The following SIDT1 variants were observed in gnomAD, a reference collection of about 807,000 sequenced individuals.
SIDT1 encodes the protein SID1 transmembrane family, member 1.
In SIDT1, 101 loss-of-function variants were observed where a neutral mutation model predicts 107.5. The ratio of observed to expected loss-of-function variants is 0.94; its 90% CI spans 0.80 to 1.11. The LOEUF (loss-of-function observed/expected upper bound fraction) is 1.11, where lower values mean the gene tolerates loss of function less well. SIDT1 is among the 50% of genes least tolerant of loss of function. The probability of loss-of-function intolerance (pLI) is 0.00; values close to 1 mark genes in which losing one functional copy is unlikely to be tolerated. For missense variants in SIDT1, 1,076 were observed against 1,058.2 expected (o/e 1.02, Z -0.23); for synonymous variants, 395 against 398.2 (o/e 0.99, Z 0.10).
chr3:113,568,438 C>CA (rs1190452856), intron 3 of SIDT1, among the ~76,000 whole-genome samples: 1 of 151,444 alleles, frequency 6.6e-6, no homozygotes, highest in Non-Finnish European at 1.5e-5. Flanking sequence ...ACTAAAAATA[C>CA]AAAAAATTAG....
chr3:113,538,718 G>A (rs182035476), intron 1 of SIDT1, among the ~76,000 whole-genome samples: 1 of 152,284 alleles, frequency 6.6e-6, no homozygotes, highest in Admixed American at 6.5e-5. Flanking sequence ...AGATTTAAGA[G>A]AGAACATACC....
chr3:113,614,924 T>C, intron 19 of SIDT1: 1 of 809,258 alleles, frequency 1.2e-6, no homozygotes, highest in African/African-American at 1.7e-5. Context: ...CAAGTAAGCA[T>C]TACTTTTATA....
intron 1 of SIDT1, among the ~76,000 whole-genome samples, chr3:113,542,570 C>CT (rs34071671): frequency 6.6e-6 from 1 of 152,054 alleles, no homozygotes; most frequent in African/African-American, 2.4e-5. Flanking sequence ...CTGCTTCTTA[C>CT]TTTTTTTACT....
At position 113,595,578 on chromosome 3, in the gene SIDT1, C is replaced by CAAA. The variant is rs200311251; in HGVS notation, c.1045+2541_1045+2543dup. 5.9e-3 allele frequency among the ~76,000 whole-genome samples: 771 copies of CAAA among 130,078 alleles called. 4 individuals carry two copies. Among genetic ancestry groups the CAAA allele is most frequent in the African/African-American group, 0.02 (719 of 35,734 alleles). 85.3% of individuals were successfully genotyped at this position (130,078 alleles called of 152,430 possible). On this transcript the variant is annotated intron_variant, in intron 10 of 24. Transcript: ENST00000264852. ...TAGGTGACAGAGCAAGACCGTGTCT[C>CAAA]AAAAAAAAAAAAAGCCTCCAGACAT...
chr3:113,533,569 G>A (rs898123367), intron 1 of SIDT1, among the ~76,000 whole-genome samples: 1 of 152,222 alleles, frequency 6.6e-6, no homozygotes, highest in Non-Finnish European at 1.5e-5. Flanking sequence ...GGGTTGCGGG[G>A]TGTGGTGTGG....
chr3:113,587,028 G>T (rs1943791211), intron 9 of SIDT1, among the ~76,000 whole-genome samples: 1 of 152,184 alleles, frequency 6.6e-6, no homozygotes, highest in African/African-American at 2.4e-5. Context: ...ACAGATAGTA[G>T]ATTAGATAAG....
chr3:113,563,659 G>A (rs754047837), intron 1 of SIDT1, among the ~76,000 whole-genome samples: 55 of 152,166 alleles, frequency 3.6e-4, no homozygotes, highest in Non-Finnish European at 1.0e-4. Context: ...AAAAAGGAGA[G>A]AGAAGTACCC....
intron 1 of SIDT1, among the ~76,000 whole-genome samples, chr3:113,539,022 A>G (rs892364674): frequency 1.1e-4 from 17 of 152,044 alleles, no homozygotes; most frequent in Admixed American, 3.3e-4. Flanking sequence ...TTTATTTTTC[A>G]TTTTATGAGC....
At chr3:113,614,463 A>C (rs1421627447) in intron 19 of SIDT1, among the ~76,000 whole-genome samples, 1 of 152,204 alleles carries the variant, frequency 6.6e-6, no homozygotes, top group Non-Finnish European at 1.5e-5. Context: ...GAGTCAAAAG[A>C]AAACTTTCTA....
In SIDT1 at chr3:113,585,200, C is replaced by A. The variant is rs146563023; in HGVS notation, c.931C>A (p.Leu311Ile). The A allele has an allele frequency of 4.8e-5, 77 of 1,613,440 alleles. No individual in the cohort carries two copies. The highest frequency in any genetic ancestry group is 6.0e-5 in the Non-Finnish European group (71 of 1,179,610). ...IKESVYVKSS[L>I]FSVFIFLSFY... ...AGAATCTGTTTATGTGAAATCCAGT[C>A]TTTTCAGTGTCTTCATCTTCCTGTC... Residue 311 changes from leucine (L) to isoleucine (I), a missense_variant, in exon 9 of 25, where the codon CTT (leucine) becomes ATT (isoleucine). Transcript: ENST00000264852.
chr3:113,614,689 A>T (rs1266196245), intron 19 of SIDT1, among the ~76,000 whole-genome samples: 1 of 152,236 alleles, frequency 6.6e-6, no homozygotes, highest in Non-Finnish European at 1.5e-5. Context: ...TTTCATCATT[A>T]GCTCTCATAA....
At chr3:113,573,551 C>A (rs1193668491) in intron 3 of SIDT1, among the ~76,000 whole-genome samples, 1 of 152,168 alleles carries the variant, frequency 6.6e-6, no homozygotes, top group East Asian at 1.9e-4. Flanking sequence ...TTAGATAGTG[C>A]TATGGTCTCA....
At chr3:113,537,430 A>G (rs1441696926) in intron 1 of SIDT1, among the ~76,000 whole-genome samples, 1 of 152,210 alleles carries the variant, frequency 6.6e-6, no homozygotes, top group East Asian at 1.9e-4. Flanking sequence ...AGCTATATGC[A>G]TTACTAATTA....
At chr3:113,567,491 T>C (rs1481993641) in intron 2 of SIDT1, 49 bp from the exon 3 acceptor site, 3 of 1,476,020 alleles carry the variant, frequency 2.0e-6, no homozygotes, top group Non-Finnish European at 2.8e-6. Flanking sequence ...ATTCACTGAG[T>C]CCCTTTCTTG....
At chr3:113,595,976 G>A (rs377674775) in intron 10 of SIDT1, among the ~76,000 whole-genome samples, 13 of 152,190 alleles carry the variant, frequency 8.5e-5, no homozygotes, top group African/African-American at 2.7e-4. Flanking sequence ...ACCATATCTG[G>A]AAGCTAGTGA....
At chr3:113,632,951 C>A (rs1040730268), downstream of SIDT1, 2 of 152,162 alleles carry the variant, frequency 1.3e-5, no homozygotes, top group African/African-American at 4.8e-5. Flanking sequence ...TGATTATAAT[C>A]TGTTAATGAT....
intron 21 of SIDT1, among the ~76,000 whole-genome samples, chr3:113,623,005 T>C (rs947815707): frequency 1.3e-5 from 2 of 151,776 alleles, no homozygotes; most frequent in African/African-American, 4.8e-5. Flanking sequence ...CTGGGCAACA[T>C]AGCAAGACCC....
intron 19 of SIDT1, 159 bp from the exon 20 acceptor site, chr3:113,615,941 A>G (rs1369536871): frequency 1.1e-5 from 7 of 658,910 alleles, no homozygotes; most frequent in Non-Finnish European, 1.9e-5. Context: ...CCATTTTTCA[A>G]AGCAAATACT....
At chr3:113,634,427 C>A (rs576749206), downstream of SIDT1, among the ~76,000 whole-genome samples, 4 of 152,212 alleles carry the variant, frequency 2.6e-5, no homozygotes, top group Non-Finnish European at 2.9e-5. Context: ...GAGGTCAAGG[C>A]GGGTGGATCA....
Sources: allele counts gnomAD v4.1 joint callset (sites outside exome capture counted in the v4.1 genomes callset), GRCh38; gene constraint gnomAD v4.1.1; transcripts MANE v1.5; gene names NCBI Gene and HGNC (gene_info 2026-07-23, HGNC 2026-07-21).